The following STIMATE variants were observed in gnomAD, a reference collection of about 807,000 sequenced individuals.
STIMATE encodes the protein store-operated calcium entry regulator STIMATE.
STIMATE carries 15 observed loss-of-function variants against 36.7 expected under a neutral mutation model. That is an observed-to-expected ratio of 0.41 (90% CI 0.27 to 0.63). The LOEUF (loss-of-function observed/expected upper bound fraction) is 0.63. Ranked by LOEUF, STIMATE falls within the 20% of genes least tolerant of loss-of-function variation. STIMATE has a pLI of 0.32. For synonymous variants in STIMATE, 163 were observed against 162.3 expected (o/e 1.00, Z -0.03); for missense variants, 305 against 397.3 (o/e 0.77, Z 1.98).
intron 1 of STIMATE, among the ~76,000 whole-genome samples, chr3:52,870,973 C>T (rs1464110527): frequency 6.6e-6 from 1 of 151,982 alleles, no homozygotes; most frequent in Non-Finnish European, 1.5e-5. Flanking sequence ...CCCAAGGCTT[C>T]CCACTCAGGA....
chr3:52,859,079 T>G (rs987216264), intron 1 of STIMATE, among the ~76,000 whole-genome samples: 3 of 151,346 alleles, frequency 2.0e-5, no homozygotes, highest in African/African-American at 7.3e-5. Context: ...GGAGAATCAC[T>G]TGAACCTGGG....
intron 1 of STIMATE, among the ~76,000 whole-genome samples, chr3:52,881,598 A>T (rs1701606467): frequency 6.6e-6 from 1 of 152,124 alleles, no homozygotes. Flanking sequence ...GCTACTTGGG[A>T]GGCTGAGGCA....
chr3:52,845,303 T>C (rs1216004172), intron 4 of STIMATE, among the ~76,000 whole-genome samples: 1 of 152,180 alleles, frequency 6.6e-6, no homozygotes, highest in African/African-American at 2.4e-5. Flanking sequence ...TCTTATCCGT[T>C]GTTGATTTTT....
At chr3:52,873,371 T>G (rs920664294) in intron 1 of STIMATE, among the ~76,000 whole-genome samples, 1 of 152,386 alleles carries the variant, frequency 6.6e-6, no homozygotes, top group East Asian at 1.9e-4. Context: ...AAATTAGTAT[T>G]GATTTTTGCC....
At position 52,875,755 on chromosome 3, in the gene STIMATE, C is replaced by A. The variant is rs1287176628; in HGVS notation, c.161-20311G>T. The stretch of plus-strand genomic sequence containing the variant: ...AACTTACTAGGATAAACCCCCAGTG[C>A]AGTAGGTTTCATTCATAAAGATGAT... On this transcript the variant is annotated intron_variant, in intron 1 of 7. Transcript: ENST00000355083. Among the ~76,000 whole-genome samples, 3 of 152,210 alleles carry A rather than the reference C, an allele frequency of 2.0e-5. 1 individual carries two copies. In the South Asian group the frequency reaches 6.2e-4, roughly 32 times the overall value.
chr3:52,864,772 C>G (rs1701274742), intron 1 of STIMATE, among the ~76,000 whole-genome samples: 1 of 152,108 alleles, frequency 6.6e-6, no homozygotes, highest in South Asian at 2.1e-4. Context: ...TTCAAAGTTC[C>G]ACAGATCTCT....
At position 52,840,574 on chromosome 3, in the gene STIMATE, C is replaced by T. The variant is rs1478149376; in HGVS notation, c.805G>A (p.Asp269Asn). Reference sequence around the variant, plus strand: ...AGTCTGCGGAGGTCCTCCTCCACGTCGGACTCCTCCATCTCATCATCCGCT... The same window carrying T: ...AGTCTGCGGAGGTCCTCCTCCACGTTGGACTCCTCCATCTCATCATCCGCT... ...ISADDEMEES[D>N]VEEDLRRLTP... The change falls in exon 8 of 8, where the codon GAC becomes AAC. Residue 269 changes from aspartate to asparagine, a missense_variant. By Grantham distance (23) the Asp-to-Asn change is conservative. Around this residue, in one of 3 missense-constraint regions of STIMATE, gnomAD observed 84 missense variants for 82.4 expected, o/e 1.02. Coordinates refer to ENST00000355083, the MANE Select transcript of STIMATE (RefSeq NM_198563.5). 3.1e-6 allele frequency: 5 copies of T among 1,613,882 alleles called. No individual in the cohort carries two copies. The highest frequency in any genetic ancestry group is 1.7e-5 in the Admixed American group (1 of 60,006).
intron 3 of STIMATE, among the ~76,000 whole-genome samples, chr3:52,851,401 G>C (rs531689847): frequency 3.3e-5 from 5 of 152,346 alleles, no homozygotes; most frequent in African/African-American, 9.6e-5. Context: ...GCTGAGGCTT[G>C]AGACATTTTG....
intron 1 of STIMATE, among the ~76,000 whole-genome samples, chr3:52,858,679 T>C (rs970570188): frequency 4.6e-5 from 7 of 152,194 alleles, no homozygotes; most frequent in Admixed American, 3.9e-4. Context: ...TAAATGCCCA[T>C]ACTCCTTTAA....
At chr3:52,842,700 C>T (rs6776990) in intron 7 of STIMATE, 111 bp downstream of exon 7, 1,505,919 of 1,554,876 alleles carry the variant, frequency 0.97, 735,704 homozygotes, top group Non-Finnish European at 1. Context: ...CCCTCTGGCT[C>T]GCACTGTGAC....
At chr3:52,885,101 C>T (rs1209154834) in intron 1 of STIMATE, among the ~76,000 whole-genome samples, 2 of 152,166 alleles carry the variant, frequency 1.3e-5, no homozygotes, top group Non-Finnish European at 2.9e-5. Flanking sequence ...TTAATTTTAG[C>T]CATTCTTGTC....
chr3:52,872,980 A>T (rs1701433118), intron 1 of STIMATE, among the ~76,000 whole-genome samples: 1 of 152,206 alleles, frequency 6.6e-6, no homozygotes, highest in Non-Finnish European at 1.5e-5. Flanking sequence ...GTGCTCATGA[A>T]CATTTTTTGG....
intron 2 of STIMATE, among the ~76,000 whole-genome samples, chr3:52,853,208 A>G (rs1220404662): frequency 6.6e-6 from 1 of 152,164 alleles, no homozygotes; most frequent in Non-Finnish European, 1.5e-5. Context: ...GCGCCATATG[A>G]TCTCTGTCTC....
chr3:52,843,219 C>A, intron 6 of STIMATE: 1 of 585,794 alleles, frequency 1.7e-6, no homozygotes. Context: ...GGGGGAACAG[C>A]CTGTTTGGGG....
At chr3:52,865,948 C>G (rs923308131) in intron 1 of STIMATE, among the ~76,000 whole-genome samples, 9 of 152,230 alleles carry the variant, frequency 5.9e-5, no homozygotes, top group Middle Eastern at 3.4e-3. Context: ...GTTGTCTAAC[C>G]TTCCTGCTCT....
chr3:52,845,494 G>C (rs1209453090), intron 4 of STIMATE, among the ~76,000 whole-genome samples: 1 of 152,172 alleles, frequency 6.6e-6, no homozygotes, highest in Non-Finnish European at 1.5e-5. Flanking sequence ...GACTCTGGAG[G>C]AATTTGGACT....
At chr3:52,893,462 A>G (rs1315342466) in intron 1 of STIMATE, among the ~76,000 whole-genome samples, 5 of 152,066 alleles carry the variant, frequency 3.3e-5, no homozygotes, top group Non-Finnish European at 7.4e-5. Flanking sequence ...TGTTCAGTGT[A>G]TTATTTTTCA....
chr3:52,840,553 T>C lies in STIMATE; in HGVS notation c.826A>G (p.Arg276Gly), dbSNP rs1436035547. Residue 276 changes from arginine (R) to glycine (G), a missense_variant, in exon 8 of 8, where the codon AGA (arginine) becomes GGA (glycine). By Grantham distance (125) the Arg-to-Gly change is moderately radical (BLOSUM62 -2). Coordinates refer to ENST00000355083, the MANE Select transcript of STIMATE (RefSeq NM_198563.5). ...EESDVEEDLR[R>G]LTPLKPVKKK... ...TTCACAGGCTTGAGGGGGGTCAGTC[T>C]GCGGAGGTCCTCCTCCACGTCGGAC... 2 of 1,614,110 alleles carry C rather than the reference T, an allele frequency of 1.2e-6. No homozygotes were observed. The highest frequency in any genetic ancestry group is 3.3e-5 in the Admixed American group (2 of 60,028).
At chr3:52,865,444 G>T (rs1363206867) in intron 1 of STIMATE, among the ~76,000 whole-genome samples, 1 of 152,182 alleles carries the variant, frequency 6.6e-6, no homozygotes. Flanking sequence ...GGAAGAAAAA[G>T]ATTTAATTGG....
Sources: gnomAD v4.1 joint callset for allele counts (sites outside exome capture counted in the v4.1 genomes callset) on GRCh38, gnomAD v4.1.1 for gene constraint, gnomAD v4.1.1 regional missense constraint, MANE v1.5 for transcripts, NCBI Gene and HGNC (gene_info 2026-07-23, HGNC 2026-07-21) for gene names.